Variants in RANBP17 observed in about 807,000 individuals in gnomAD.
RANBP17 encodes the protein RAN binding protein 17, also known as ran-binding protein 17.
Under a neutral mutation model 141.2 loss-of-function variants are expected in RANBP17, and 158 were observed. The observed-to-expected ratio is 1.12, with a 90% CI of 0.98 to 1.28. RANBP17 has a LOEUF of 1.28. Among genes scored for constraint, RANBP17 ranks in the 50% most tolerant of loss-of-function variants. RANBP17 has a pLI of 0.00. For missense variants in RANBP17, 1,438 were observed against 1,290.7 expected (o/e 1.11, Z -1.75); for synonymous variants, 430 against 450.0 (o/e 0.96, Z 0.56).
chr5:170,887,870 G>C (rs75251821), intron 3 of RANBP17, among the ~76,000 whole-genome samples: 10 of 152,120 alleles, frequency 6.6e-5, no homozygotes, highest in South Asian at 6.2e-4. Flanking sequence ...GGCTGAAATC[G>C]TCCTTTTTAA....
At chr5:171,138,830 G>A (rs1436751007) in intron 14 of RANBP17, among the ~76,000 whole-genome samples, 1 of 152,086 alleles carries the variant, frequency 6.6e-6, no homozygotes, top group African/African-American at 2.4e-5. Context: ...CCAACACTTC[G>A]GAAGGCTGAG....
intron 14 of RANBP17, among the ~76,000 whole-genome samples, chr5:171,070,591 A>G (rs1784576204): frequency 6.6e-6 from 1 of 152,100 alleles, no homozygotes; most frequent in Non-Finnish European, 1.5e-5. Context: ...AGACCAGGAG[A>G]TGGTAATTGT....
chr5:170,922,993 G>A (rs1334540505), intron 11 of RANBP17, among the ~76,000 whole-genome samples: 2 of 142,632 alleles, frequency 1.4e-5, no homozygotes, highest in African/African-American at 5.0e-5. Flanking sequence ...GTCCTTAGAA[G>A]AGCAGAAGTT....
At chr5:170,905,469 T>C (rs973497606) in intron 5 of RANBP17, among the ~76,000 whole-genome samples, 5 of 152,128 alleles carry the variant, frequency 3.3e-5, no homozygotes, top group Non-Finnish European at 5.9e-5. Context: ...AAAGAACCAT[T>C]TTCTACTTGT....
chr5:170,970,001 A>G (rs939457533), intron 14 of RANBP17, among the ~76,000 whole-genome samples: 1 of 151,922 alleles, frequency 6.6e-6, no homozygotes, highest in South Asian at 2.1e-4. Flanking sequence ...CTTACCTGCC[A>G]ATCTGTCTTA....
intron 14 of RANBP17, among the ~76,000 whole-genome samples, chr5:171,042,825 G>A (rs1044421320): frequency 1.4e-4 from 22 of 152,040 alleles, no homozygotes; most frequent in African/African-American, 5.3e-4. Flanking sequence ...TTACGGATAG[G>A]CTCCTACTCT....
chr5:171,146,668 TTAAGA>T (rs541853765), intron 14 of RANBP17, among the ~76,000 whole-genome samples: 22 of 152,360 alleles, frequency 1.4e-4, no homozygotes, highest in African/African-American at 4.8e-4. Context: ...TTATGCCATC[TTAAGA>T]TAAGCAGTAC....
At chr5:171,041,221 G>C (rs186669800) in intron 14 of RANBP17, among the ~76,000 whole-genome samples, 1 of 152,112 alleles carries the variant, frequency 6.6e-6, no homozygotes. Context: ...AAAATTGGGG[G>C]TCATGTTATT....
At chr5:171,187,574 G>A (rs958763876) in intron 18 of RANBP17, among the ~76,000 whole-genome samples, 4 of 152,042 alleles carry the variant, frequency 2.6e-5, no homozygotes, top group African/African-American at 9.7e-5. Context: ...AATTAAAAAT[G>A]CTAAATGTCG....
chr5:171,055,921 A>G (rs1254488156), intron 14 of RANBP17, among the ~76,000 whole-genome samples: 5 of 147,502 alleles, frequency 3.4e-5, no homozygotes, highest in Non-Finnish European at 6.0e-5. Flanking sequence ...TTCTTATTAC[A>G]CTTGTGCAAG....
chr5:171,136,467 C>G (rs186116632), intron 14 of RANBP17, among the ~76,000 whole-genome samples: 2 of 151,642 alleles, frequency 1.3e-5, no homozygotes, highest in East Asian at 1.9e-4. Context: ...AATTCTGTCT[C>G]CTGGGTTCAT....
chr5:171,163,460 C>T (rs1235248322), intron 14 of RANBP17, among the ~76,000 whole-genome samples: 1 of 152,192 alleles, frequency 6.6e-6, no homozygotes, highest in East Asian at 1.9e-4. Flanking sequence ...CTCCTCCTCC[C>T]TCCTCTACTA....
At chr5:170,881,100 T>TGTTATG (rs1284457892) in intron 2 of RANBP17, among the ~76,000 whole-genome samples, 3 of 152,164 alleles carry the variant, frequency 2.0e-5, no homozygotes, top group Non-Finnish European at 2.9e-5. Flanking sequence ...CACAAAATAT[T>TGTTATG]GTTTTGATTT....
At chr5:171,048,066 T>G (rs1782708049) in intron 14 of RANBP17, among the ~76,000 whole-genome samples, 1 of 152,182 alleles carries the variant, frequency 6.6e-6, no homozygotes, top group Admixed American at 6.5e-5. Flanking sequence ...AATGTGAGTT[T>G]CTGATAGATT....
intron 7 of RANBP17, among the ~76,000 whole-genome samples, chr5:170,912,938 A>G (rs1053774775): frequency 1.3e-5 from 2 of 151,958 alleles, no homozygotes; most frequent in African/African-American, 4.8e-5. Context: ...AGTAAGGATA[A>G]AGAAAAAAAT....
intron 24 of RANBP17, among the ~76,000 whole-genome samples, chr5:171,246,809 A>G (rs1405072210): frequency 6.6e-6 from 1 of 152,220 alleles, no homozygotes. Context: ...TTGTGTGACC[A>G]TGGGCACATG....
At chr5:170,986,742 T>G (rs1778168221) in intron 14 of RANBP17, among the ~76,000 whole-genome samples, 3 of 151,952 alleles carry the variant, frequency 2.0e-5, no homozygotes, top group African/African-American at 7.2e-5. Context: ...TACTTATTAT[T>G]CAACCTTTTT....
At chr5:171,153,551 A>C (rs1278998242) in intron 14 of RANBP17, among the ~76,000 whole-genome samples, 1 of 152,236 alleles carries the variant, frequency 6.6e-6, no homozygotes, top group Non-Finnish European at 1.5e-5. Flanking sequence ...TATGCAGAAT[A>C]CTGGGAACAT....
In RANBP17 at chr5:170,964,684, G is replaced by A. The variant is rs191959607; in HGVS notation, c.1575-3558G>A. ...GTCCTTGCGATAGTTTACTGAGAAT[G>A]ATGATTTCCAATTTCATCCATGTCC... On this transcript the variant is annotated intron_variant, in intron 13 of 27. Coordinates refer to ENST00000523189, the MANE Select transcript of RANBP17 (RefSeq NM_022897.5). Among the ~76,000 whole-genome samples, 130 of 152,242 alleles carry A rather than the reference G, an allele frequency of 8.5e-4. No homozygotes were observed. In the Middle Eastern group the frequency reaches 0.014, roughly 16 times the overall value.
Sources: allele counts gnomAD v4.1 joint callset (sites outside exome capture counted in the v4.1 genomes callset), GRCh38; gene constraint gnomAD v4.1.1; transcripts MANE v1.5; gene names NCBI Gene and HGNC (gene_info 2026-07-23, HGNC 2026-07-21).